The following TYR variants were observed in gnomAD, a reference collection of about 807,000 sequenced individuals.
TYR encodes LB24-AB.
Under a neutral mutation model 51.5 loss-of-function variants are expected in TYR, and 58 were observed. The ratio of observed to expected loss-of-function variants is 1.13; its 90% CI spans 0.91 to 1.40. The LOEUF (loss-of-function observed/expected upper bound fraction) is 1.40, where lower values mean the gene tolerates loss of function less well. Among genes scored for constraint, TYR ranks in the 40% most tolerant of loss-of-function variants. The probability of loss-of-function intolerance (pLI) is 0.00; values close to 1 mark genes in which losing one functional copy is unlikely to be tolerated. For synonymous variants in TYR, 263 were observed against 235.2 expected (o/e 1.12, Z -1.08); for missense variants, 732 against 647.4 (o/e 1.13, Z -1.42).
At chr11:89,206,691 G>A (rs1269512642) in intron 2 of TYR, among the ~76,000 whole-genome samples, 1 of 152,004 alleles carries the variant, frequency 6.6e-6, no homozygotes, top group South Asian at 2.1e-4. Context: ...TATTTGAAGT[G>A]CTGATAAAAC....
intron 3 of TYR, among the ~76,000 whole-genome samples, chr11:89,275,278 C>T (rs542582324): frequency 6.6e-6 from 1 of 151,954 alleles, no homozygotes; most frequent in South Asian, 2.1e-4. Context: ...TTTGAAAGGC[C>T]TGCTAATGCT....
chr11:89,211,949 C>T (rs192734673), intron 2 of TYR, among the ~76,000 whole-genome samples: 7 of 152,054 alleles, frequency 4.6e-5, no homozygotes, highest in East Asian at 3.9e-4. Flanking sequence ...TTTAAAGCAG[C>T]GTGTCGGGAG....
intron 1 of TYR, among the ~76,000 whole-genome samples, chr11:89,185,026 G>T (rs1471918823): frequency 6.6e-6 from 1 of 152,088 alleles, no homozygotes; most frequent in Non-Finnish European, 1.5e-5. Context: ...AAATAGTCTT[G>T]ATTATTTTCA....
At chr11:89,213,742 A>G (rs924886888) in intron 2 of TYR, among the ~76,000 whole-genome samples, 5 of 152,194 alleles carry the variant, frequency 3.3e-5, no homozygotes, top group South Asian at 2.1e-4. Flanking sequence ...ACCAAAACAG[A>G]TATATAGACT....
At chr11:89,285,020 C>G in intron 4 of TYR, 66 bp downstream of exon 4, 1 of 1,394,168 alleles carries the variant, frequency 7.2e-7, no homozygotes, top group South Asian at 1.2e-5. Context: ...TGAGATAACA[C>G]AAAACTTTAT....
chr11:89,187,415 A>G (rs1943388500), intron 1 of TYR, among the ~76,000 whole-genome samples: 1 of 152,162 alleles, frequency 6.6e-6, no homozygotes, highest in African/African-American at 2.4e-5. Context: ...AAAGTGGTCA[A>G]CTGTGCCTAA....
intron 3 of TYR, among the ~76,000 whole-genome samples, chr11:89,244,487 T>C (rs1045462788): frequency 6.6e-5 from 10 of 152,236 alleles, no homozygotes; most frequent in African/African-American, 2.4e-4. Context: ...GGTAATTCTC[T>C]GCATGGAATT....
At chr11:89,282,008 G>A (rs1465214923) in intron 3 of TYR, among the ~76,000 whole-genome samples, 2 of 151,750 alleles carry the variant, frequency 1.3e-5, no homozygotes, top group Non-Finnish European at 2.9e-5. Flanking sequence ...TCTAGTCATG[G>A]TTTGGTGAAA....
chr11:89,199,897 G>A (rs888769754), intron 2 of TYR, among the ~76,000 whole-genome samples: 2 of 152,132 alleles, frequency 1.3e-5, no homozygotes, highest in African/African-American at 4.8e-5. Context: ...ATTCAATTGA[G>A]GGTCCTAGAA....
At chr11:89,198,147 A>C (rs1157896167) in intron 2 of TYR, among the ~76,000 whole-genome samples, 1 of 152,088 alleles carries the variant, frequency 6.6e-6, no homozygotes, top group Non-Finnish European at 1.5e-5. Flanking sequence ...GGAAAACTAC[A>C]ATGAAGCCTC....
chr11:89,208,417 T>C (rs1191684275), intron 2 of TYR, among the ~76,000 whole-genome samples: 2 of 151,902 alleles, frequency 1.3e-5, no homozygotes, highest in African/African-American at 4.9e-5. Context: ...TTTATTGACC[T>C]TTCTTGATGC....
chr11:89,201,816 A>C (rs1331383266), intron 2 of TYR, among the ~76,000 whole-genome samples: 1 of 152,252 alleles, frequency 6.6e-6, no homozygotes, highest in Non-Finnish European at 1.5e-5. Flanking sequence ...TTTGTTAAGC[A>C]ATAAAATATT....
At chr11:89,251,461 T>C (rs1370200206) in intron 3 of TYR, among the ~76,000 whole-genome samples, 1 of 151,866 alleles carries the variant, frequency 6.6e-6, no homozygotes, top group Admixed American at 6.6e-5. Flanking sequence ...AGATACATCT[T>C]GTTAAGTACA....
At chr11:89,210,668 G>C (rs1591157077) in intron 2 of TYR, among the ~76,000 whole-genome samples, 1 of 152,282 alleles carries the variant, frequency 6.6e-6, no homozygotes, top group African/African-American at 2.4e-5. Flanking sequence ...ATAATTGTCA[G>C]ATTCACCAAG....
intron 2 of TYR, among the ~76,000 whole-genome samples, chr11:89,218,295 T>C (rs748729802): frequency 1.5e-4 from 23 of 152,222 alleles, no homozygotes; most frequent in Non-Finnish European, 3.1e-4. Context: ...ATATGCCTCA[T>C]GTTTATTGAT....
In TYR at chr11:89,295,129, T is replaced by G. The variant is rs373344622; in HGVS notation, c.1367-14T>G. On this transcript the variant is annotated splice_polypyrimidine_tract_variant and intron_variant, in intron 4 of 4. Transcript: ENST00000263321. The stretch of plus-strand genomic sequence containing the variant: ...TGGTAACAATAAAAACAATGGGATG[T>G]CTTTTTATTTCAGACCCAGACTCTT... 2.5e-6 allele frequency: 4 copies of G among 1,613,594 alleles called. No individual in the cohort carries two copies. The South Asian group carries it at 3.3e-5, about 13-fold the overall frequency.
chr11:89,276,592 A>G (rs903853674), intron 3 of TYR, among the ~76,000 whole-genome samples: 3 of 151,432 alleles, frequency 2.0e-5, no homozygotes, highest in African/African-American at 7.3e-5. Context: ...TAATGTATTC[A>G]TTGCTGCTTC....
At chr11:89,235,750 T>C (rs570855137) in intron 3 of TYR, among the ~76,000 whole-genome samples, 9 of 152,220 alleles carry the variant, frequency 5.9e-5, no homozygotes, top group African/African-American at 2.2e-4. Context: ...GAGAAGTAAG[T>C]TCTACTGGTC....
chr11:89,245,790 T>C (rs546525098), intron 3 of TYR, among the ~76,000 whole-genome samples: 4 of 151,748 alleles, frequency 2.6e-5, no homozygotes, highest in South Asian at 4.2e-4. Context: ...GGCTTGGTGG[T>C]GGGCACCTGT....
Sources: gnomAD v4.1 joint callset for allele counts (sites outside exome capture counted in the v4.1 genomes callset) on GRCh38, gnomAD v4.1.1 for gene constraint, MANE v1.5 for transcripts, NCBI Gene and HGNC (gene_info 2026-07-23, HGNC 2026-07-21) for gene names.